The following ISYNA1 variants were observed in gnomAD, a reference collection of about 807,000 sequenced individuals.
ISYNA1 encodes MI-1-P synthase.
In ISYNA1, 34 loss-of-function variants were observed where a neutral mutation model predicts 50.3. The observed-to-expected ratio is 0.68, with a 90% CI of 0.51 to 0.90. ISYNA1 has a LOEUF of 0.90. Among genes scored for constraint, ISYNA1 ranks in the 40% least tolerant of loss-of-function variants. ISYNA1 has a pLI of 0.00. For synonymous variants in ISYNA1, 396 were observed against 349.9 expected (o/e 1.13, Z -1.47); for missense variants, 718 against 784.8 (o/e 0.91, Z 1.02).
In ISYNA1 at chr19:18,435,009, CATAGGGTA is replaced by C. The variant is rs1973900653; in HGVS notation, c.1573_1580del (p.Tyr525ValfsTer17). The C allele has an allele frequency of 6.2e-7, 1 of 1,613,422 alleles. No individual in the cohort carries two copies. The highest frequency in any genetic ancestry group is 1.7e-5 in the Admixed American group (1 of 60,002). On this transcript the variant is annotated frameshift_variant, in exon 11 of 11. Coordinates refer to ENST00000338128, the MANE Select transcript of ISYNA1 (RefSeq NM_016368.5). LOFTEE classifies it low-confidence loss of function (END_TRUNC). ...CGGGTACCGGTCCTTTCTTGTTCAA[CATAGGGTA>C]GGTGGCAGCCACGGGTCCAACTCGC...
In ISYNA1 at chr19:18,437,708, C is replaced by T. The variant is rs765208163; in HGVS notation, c.173G>A (p.Arg58Gln). 6.4e-7 allele frequency: 1 copy of T among 1,558,614 alleles called. No individual in the cohort carries two copies. Among genetic ancestry groups the T allele is most frequent in the African/African-American group, 1.4e-5 (1 of 73,930 alleles). ...CCAGCCGACAAGCATGACCCCGAGC[C>T]GGGGCACCTGCCGGGCGGTCCGGAA... ...FTFRTARQVP[R>Q]LGVMLVGWGG... Residue 58 changes from arginine to glutamine, a missense_variant, in exon 3 of 11, where the codon CGG becomes CAG. This residue lies in a region of ISYNA1 where 403 missense variants were observed against 466.6 expected (regional missense o/e 0.86). Coordinates refer to ENST00000338128, the MANE Select transcript of ISYNA1 (RefSeq NM_016368.5).
chr19:18,437,832 C>T, intron 2 of ISYNA1, 28 bp downstream of exon 2: 2 of 1,610,616 alleles, frequency 1.2e-6, no homozygotes, highest in Non-Finnish European at 1.7e-6. Context: ...CTCCCCAGCA[C>T]GCCTCCTTCC....
rs1164448042 is a variant in ISYNA1, at chr19:18,436,244, C to T, written c.763G>A (p.Gly255Ser). ...AGCGTGGAGGGCGACACCTCCAGAC[C>T]GAGCTGTGGGCAAGGCGGGCAGTCA... ...AENLLRTIEL[G>S]LEVSPSTLFA... Residue 255 changes from glycine to serine, a missense_variant, in exon 7 of 11, where the codon GGT becomes AGT. Gly to Ser is a moderately conservative substitution (Grantham distance 56). Coordinates refer to ENST00000338128, the MANE Select transcript of ISYNA1 (RefSeq NM_016368.5). 2 of 1,608,410 alleles carry T rather than the reference C, an allele frequency of 1.2e-6. No homozygotes were observed. The highest frequency in any genetic ancestry group is 2.2e-5 in the East Asian group (1 of 44,884).
Position 18,436,320 on chromosome 19 carries a change from G to A in ISYNA1, c.759+10C>T. 6.2e-7 allele frequency: 1 copy of A among 1,611,092 alleles called. No individual in the cohort carries two copies. The highest frequency in any genetic ancestry group is 8.5e-7 in the Non-Finnish European group (1 of 1,179,846). On this transcript the variant is annotated intron_variant, in intron 6 of 10. Coordinates refer to ENST00000338128, the MANE Select transcript of ISYNA1 (RefSeq NM_016368.5). ...CCTGCCTGACCCGCTCCACCCGGGC[G>A]TTCGCCCACCTCAATGGTGCGCAGC...
rs1974136928 is a variant in ISYNA1, at chr19:18,438,002, G to T, written c.-9-14C>A. ...CATCGCGGCGGGCTGGGGGCCCGGGGTGAGCAGGGGGTCAGCGGGGACTCT... is the reference window on the plus strand; with the variant it reads ...CATCGCGGCGGGCTGGGGGCCCGGGTTGAGCAGGGGGTCAGCGGGGACTCT... On this transcript the variant is annotated splice_polypyrimidine_tract_variant and intron_variant, in intron 1 of 10. Coordinates refer to ENST00000338128, the MANE Select transcript of ISYNA1 (RefSeq NM_016368.5). 1.3e-6 allele frequency: 2 copies of T among 1,548,526 alleles called. No individual in the cohort carries two copies. Among genetic ancestry groups the T allele is most frequent in the Non-Finnish European group, 1.7e-6 (2 of 1,149,620 alleles).
At chr19:18,435,973 C>G in intron 7 of ISYNA1, 52 bp from the exon 8 acceptor site, 1 of 1,612,760 alleles carries the variant, frequency 6.2e-7, no homozygotes. Flanking sequence ...GCCCCACAAG[C>G]CAGGTGCTCG....
At position 18,436,867 on chromosome 19, in the gene ISYNA1, G is replaced by T; in HGVS notation, c.426C>A (p.Ile142=). ...TCGCCTCGGCCAGGTTCAGCGACGA[G>T]ATGTCCCAGCCTGGGGGGACCCTCA... ...PNDLVFDGWD[I]SSLNLAEAMR... Residue 142 remains isoleucine (I), a synonymous_variant, in exon 5 of 11, where the codon ATC becomes ATA. Coordinates refer to ENST00000338128, the MANE Select transcript of ISYNA1 (RefSeq NM_016368.5). 2 of 1,597,890 alleles carry T rather than the reference G, an allele frequency of 1.3e-6. No individual in the cohort carries two copies. The highest frequency in any genetic ancestry group is 1.7e-6 in the Non-Finnish European group (2 of 1,174,758).
intron 3 of ISYNA1, chr19:18,437,323 T>A: frequency 7.1e-7 from 1 of 1,408,584 alleles, no homozygotes; most frequent in Non-Finnish European, 9.2e-7. Flanking sequence ...GAGTCCCCGC[T>A]ACCTCGCGAA....
Position 18,435,811 on chromosome 19 carries a change from G to A in ISYNA1, c.1086C>T (p.Asp362=). ...AGAGCACTGGGTTGCTCTGCACCAT[G>A]TCGTCCACCACGTTGCTCTTGGACA... The part of the protein sequence containing the change: ...KEVSKSNVVD[D]MVQSNPVLYT... Residue 362 remains aspartate (D), a synonymous_variant, in exon 8 of 11, where the codon GAC becomes GAT. Coordinates refer to ENST00000338128, the MANE Select transcript of ISYNA1 (RefSeq NM_016368.5). 2 of 1,613,854 alleles carry A rather than the reference G, an allele frequency of 1.2e-6. No homozygotes were observed. The highest frequency in any genetic ancestry group is 1.7e-6 in the Non-Finnish European group (2 of 1,179,950).
intron 5 of ISYNA1, 101 bp from the exon 6 acceptor site, chr19:18,436,580 C>G (rs1377125712): frequency 2.5e-6 from 4 of 1,598,294 alleles, no homozygotes; most frequent in Admixed American, 3.4e-5. Flanking sequence ...ACTCAGTTCC[C>G]CGGGTGTCAA....
chr19:18,437,334 AC>A, intron 3 of ISYNA1: 1 of 1,391,016 alleles, frequency 7.2e-7, no homozygotes, highest in South Asian at 1.6e-5. Context: ...ACCTCGCGAA[AC>A]CCTTCCACGG....
Position 18,434,503 on chromosome 19 carries a change from C to A in ISYNA1, c.*410G>T. On this transcript the variant is annotated 3_prime_UTR_variant, in exon 11 of 11. Coordinates refer to ENST00000338128, the MANE Select transcript of ISYNA1 (RefSeq NM_016368.5). ...GAAAGGCTCTTTGGGGGGCCCCTCT[C>A]CCCAGGACGTCAGGGGGTGGGGCCC... 1.5e-6 allele frequency: 1 copy of A among 672,270 alleles called. No individual in the cohort carries two copies. The highest frequency in any genetic ancestry group is 3.1e-5 in the East Asian group (1 of 32,746). 41.6% of individuals were successfully genotyped at this position (672,270 alleles called of 1,614,324 possible). A position where few individuals can be genotyped will look rare whatever the true frequency, so the allele number is the denominator to read the frequency against.
chr19:18,434,636 C>T lies in ISYNA1; in HGVS notation c.*277G>A, dbSNP rs576500540. 3.5e-6 allele frequency: 2 copies of T among 565,688 alleles called. No individual in the cohort carries two copies. The highest frequency in any genetic ancestry group is 3.1e-5 in the Admixed American group (1 of 31,802). The allele number at this position is 565,688 out of a possible 1,614,324, so 35.0% of individuals were successfully genotyped here. ...CTGTGGTCTTGTTCCGTCCCCGCCC[C>T]CATCTAGCCCCACCTTTGAGAACTG... On this transcript the variant is annotated 3_prime_UTR_variant, in exon 11 of 11. Coordinates refer to ENST00000338128, the MANE Select transcript of ISYNA1 (RefSeq NM_016368.5).
Position 18,434,392 on chromosome 19 carries a change from C to CT in ISYNA1, c.*520dup. 4 of 1,383,360 alleles carry CT rather than the reference C, an allele frequency of 2.9e-6. No homozygotes were observed. The highest frequency in any genetic ancestry group is 3.8e-6 in the Non-Finnish European group (4 of 1,055,806). The allele number at this position is 1,383,360 out of a possible 1,614,324, so 85.7% of individuals were successfully genotyped here. On this transcript the variant is annotated 3_prime_UTR_variant, in exon 11 of 11. Transcript: ENST00000338128. ...GCTGGGAGGCCCCACACGAAAGACT[C>CT]TTACCATTTTATTAAAAACGCAAGG... is the stretch of plus-strand genomic sequence containing the variant.
rs1210117488 is a variant in ISYNA1, at chr19:18,435,467, G to T, written c.1271C>A (p.Ala424Glu). The T allele has an allele frequency of 6.2e-7, 1 of 1,608,810 alleles. No homozygotes were observed. Among genetic ancestry groups the T allele is most frequent in the Non-Finnish European group, 8.5e-7 (1 of 1,179,704 alleles). ...HNTCEDSLLA[A>E]PIMLDLALLT... ...CAGCGCTAGGTCCAGCATGATGGGT[G>T]CGGCCAGCAGCGAGTCCTGCGGGGC... The change falls in exon 10 of 11, where the codon GCA (alanine) becomes GAA (glutamate). Residue 424 changes from alanine (A) to glutamate (E), a missense_variant. By Grantham distance (107) the Ala-to-Glu change is moderately radical. Around this residue, in one of 3 missense-constraint regions of ISYNA1, gnomAD observed 305 missense variants for 292.6 expected, o/e 1.04. Coordinates refer to ENST00000338128, the MANE Select transcript of ISYNA1 (RefSeq NM_016368.5).
rs1568365412 is a variant in ISYNA1, at chr19:18,436,048, AT to A, written c.958del (p.Ile320LeufsTer11). 1 of 1,613,404 alleles carries A rather than the reference AT, an allele frequency of 6.2e-7. No individual in the cohort carries two copies. ...CCCACGCACCTTGAGGCCGGAGCCAATGAGGAAGTCCACAAGCACGGACTTG... is the reference window on the plus strand; with the variant it reads ...CCCACGCACCTTGAGGCCGGAGCCAAGAGGAAGTCCACAAGCACGGACTTG... ...KVKSVLVDFL[I>X]GSGLKTMSIV... On this transcript the variant is annotated frameshift_variant, in exon 7 of 11. Coordinates refer to ENST00000338128, the MANE Select transcript of ISYNA1 (RefSeq NM_016368.5). LOFTEE classifies it high-confidence loss of function.
In ISYNA1 at chr19:18,436,261, G is replaced by A. The variant is rs1339156606; in HGVS notation, c.760-14C>T. The A allele has an allele frequency of 2.4e-5, 38 of 1,607,622 alleles. No individual in the cohort carries two copies. Among genetic ancestry groups the A allele is most frequent in the Non-Finnish European group, 3.2e-5 (38 of 1,179,762 alleles). Reference sequence around the variant, plus strand: ...CTCCAGACCGAGCTGTGGGCAAGGCGGGCAGTCAGCACAGAGCTGTGTCTG... The same window carrying A: ...CTCCAGACCGAGCTGTGGGCAAGGCAGGCAGTCAGCACAGAGCTGTGTCTG... On this transcript the variant is annotated splice_polypyrimidine_tract_variant and intron_variant, in intron 6 of 10. Coordinates refer to ENST00000338128, the MANE Select transcript of ISYNA1 (RefSeq NM_016368.5).
Position 18,434,858 on chromosome 19 carries a change from T to TA in ISYNA1, c.*54dup. The TA allele has an allele frequency of 1.4e-6, 2 of 1,477,510 alleles. No homozygotes were observed. Among genetic ancestry groups the TA allele is most frequent in the Non-Finnish European group, 1.9e-6 (2 of 1,060,886 alleles). 91.5% of individuals were successfully genotyped at this position (1,477,510 alleles called of 1,614,324 possible). A position where few individuals can be genotyped will look rare whatever the true frequency, so the allele number is the denominator to read the frequency against. The stretch of plus-strand genomic sequence containing the variant: ...CCTTTATTTGTGGGGGCCTTCAAGG[T>TA]AGGGTCGTGGGGGGCAGCGGGGAGG... On this transcript the variant is annotated 3_prime_UTR_variant, in exon 11 of 11. Transcript: ENST00000338128.
In ISYNA1 at chr19:18,436,645, C is replaced by T. The variant is rs764866864; in HGVS notation, c.609+39G>A. 6 of 1,586,050 alleles carry T rather than the reference C, an allele frequency of 3.8e-6. No individual in the cohort carries two copies. In the East Asian group the frequency reaches 9.1e-5, roughly 24 times the overall value. ...AAAGAGGGAACCAAGTGGCGAAGAA[C>T]AGGTGGCAGGAAGCAAGGGATGCGG... is the stretch of plus-strand genomic sequence containing the variant. On this transcript the variant is annotated intron_variant, in intron 5 of 10. Transcript: ENST00000338128.
Sources: allele counts gnomAD v4.1 joint callset, GRCh38; gene constraint gnomAD v4.1.1; regional missense constraint gnomAD v4.1.1; transcripts MANE v1.5; gene names NCBI Gene and HGNC (gene_info 2026-07-23, HGNC 2026-07-21).